The following IRAK2 variants were observed in gnomAD, a reference collection of about 807,000 sequenced individuals.
The protein encoded by IRAK2 is interleukin 1 receptor associated kinase 2.
Under a neutral mutation model 72.0 loss-of-function variants are expected in IRAK2, and 57 were observed. The observed-to-expected ratio is 0.79, with a 90% CI of 0.64 to 0.99. The LOEUF (loss-of-function observed/expected upper bound fraction) is 0.99. Among genes scored for constraint, IRAK2 ranks in the 50% least tolerant of loss-of-function variants. The pLI is 0.00. For synonymous variants in IRAK2, 293 were observed against 312.7 expected, an observed-to-expected ratio of 0.94 and a Z score of 0.67; for missense variants, 790 against 794.4, an observed-to-expected ratio of 0.99 and a Z score of 0.07.
chr3:10,213,561 T>C lies in IRAK2; in HGVS notation c.788+13T>C, dbSNP rs1250635386. On this transcript the variant is annotated intron_variant, in intron 6 of 12. Transcript: ENST00000256458. Reference sequence around the variant, plus strand: ...AGATTTGTCTTAGGTAAGCCTCCCCTTTGTTTAGTAATAATGATAGCTAAC... The same window carrying C: ...AGATTTGTCTTAGGTAAGCCTCCCCCTTGTTTAGTAATAATGATAGCTAAC... 1 of 1,604,774 alleles carries C rather than the reference T, an allele frequency of 6.2e-7. No individual in the cohort carries two copies. Among genetic ancestry groups the C allele is most frequent in the Admixed American group, 1.7e-5 (1 of 60,024 alleles).
chr3:10,190,431 C>T (rs1034247363), intron 2 of IRAK2, among the ~76,000 whole-genome samples: 3 of 151,646 alleles, frequency 2.0e-5, no homozygotes, highest in Admixed American at 6.6e-5. Flanking sequence ...CTGGCGCCCA[C>T]CACCACGCCC....
At chr3:10,189,149 G>T (rs1202604863) in intron 2 of IRAK2, among the ~76,000 whole-genome samples, 1 of 152,258 alleles carries the variant, frequency 6.6e-6, no homozygotes, top group Non-Finnish European at 1.5e-5. Flanking sequence ...GTCAGGTGGG[G>T]AGGGCAGGTA....
chr3:10,194,415 T>C (rs1176192143), intron 2 of IRAK2, among the ~76,000 whole-genome samples: 1 of 152,136 alleles, frequency 6.6e-6, no homozygotes, highest in Non-Finnish European at 1.5e-5. Flanking sequence ...AGGCTGCCCC[T>C]GTCTATCTGT....
chr3:10,172,837 C>CAA (rs533137515), intron 1 of IRAK2, among the ~76,000 whole-genome samples: 990 of 53,462 alleles, frequency 0.019, 57 homozygotes, highest in African/African-American at 0.053. Context: ...GACTCTGTCT[C>CAA]AAAAAAAAAA....
At chr3:10,168,951 G>C (rs1696747101) in intron 1 of IRAK2, among the ~76,000 whole-genome samples, 1 of 152,200 alleles carries the variant, frequency 6.6e-6, no homozygotes. Flanking sequence ...CCAGCCCGCA[G>C]TATTTCAATG....
In IRAK2 at chr3:10,189,479, G is replaced by T. The variant is rs187839596; in HGVS notation, c.278-10890G>T. 1.1e-3 allele frequency among the ~76,000 whole-genome samples: 169 copies of T among 152,348 alleles called. 1 individual carries two copies. The highest frequency in any genetic ancestry group is 2.0e-3 in the Non-Finnish European group (133 of 68,038). ...ATGGACTGGGGGGCTGGGCCTGTGAGGTTCCAGATGTCAACTGAGTAGGAC... is the reference window on the plus strand; with the variant it reads ...ATGGACTGGGGGGCTGGGCCTGTGATGTTCCAGATGTCAACTGAGTAGGAC... On this transcript the variant is annotated intron_variant, in intron 2 of 12. Transcript: ENST00000256458.
chr3:10,181,429 G>A (rs1261436667), intron 2 of IRAK2, among the ~76,000 whole-genome samples: 1 of 152,106 alleles, frequency 6.6e-6, no homozygotes, highest in Admixed American at 6.6e-5. Context: ...GACCAACATG[G>A]TGAAACCCTG....
At chr3:10,238,534 G>A (rs558514612) in intron 11 of IRAK2, among the ~76,000 whole-genome samples, 1 of 152,268 alleles carries the variant, frequency 6.6e-6, no homozygotes, top group South Asian at 2.1e-4. Flanking sequence ...ACTATGATCT[G>A]CCCATGTTGG....
chr3:10,199,479 G>A (rs973747021), intron 2 of IRAK2, among the ~76,000 whole-genome samples: 1 of 152,164 alleles, frequency 6.6e-6, no homozygotes, highest in Non-Finnish European at 1.5e-5. Context: ...GGTACAGCCC[G>A]TCCTCAGTGG....
chr3:10,237,778 C>T (rs1267415693), intron 11 of IRAK2, among the ~76,000 whole-genome samples: 2 of 146,546 alleles, frequency 1.4e-5, no homozygotes, highest in Admixed American at 6.8e-5. Flanking sequence ...TGCAGTCCGG[C>T]CTGGGCGAAA....
intron 10 of IRAK2, among the ~76,000 whole-genome samples, 198 bp downstream of exon 10, chr3:10,226,631 A>G (rs79141395): frequency 0.042 from 6,373 of 152,126 alleles, 187 homozygotes; most frequent in South Asian, 0.059. Flanking sequence ...TGATAATAGC[A>G]TCTGGGGCTT....
chr3:10,188,629 C>T (rs776977249), intron 2 of IRAK2, among the ~76,000 whole-genome samples: 4 of 152,324 alleles, frequency 2.6e-5, no homozygotes, highest in African/African-American at 9.6e-5. Context: ...CGGGTTCAAG[C>T]GATTCTCCTG....
chr3:10,178,921 C>T (rs1475154509), intron 2 of IRAK2, among the ~76,000 whole-genome samples: 3 of 152,130 alleles, frequency 2.0e-5, no homozygotes, highest in African/African-American at 7.2e-5. Flanking sequence ...CCTGCCTCAA[C>T]TTCCTGAGTA....
chr3:10,241,717 A>G (rs1205297893), intron 12 of IRAK2, among the ~76,000 whole-genome samples: 1 of 149,578 alleles, frequency 6.7e-6, no homozygotes, highest in African/African-American at 2.5e-5. Context: ...TCTGGGCAAC[A>G]CGGTGAAACC....
At chr3:10,237,669 C>T (rs376034485) in intron 11 of IRAK2, among the ~76,000 whole-genome samples, 26 of 151,602 alleles carry the variant, frequency 1.7e-4, no homozygotes, top group African/African-American at 4.1e-4. Context: ...TAGCCAGGCG[C>T]GGTGGCGGGC....
chr3:10,209,277 A>T lies in IRAK2; in HGVS notation c.425-312A>T, dbSNP rs1169674. Among the ~76,000 whole-genome samples the T allele has an allele frequency of 7.1e-3, 1,077 of 152,082 alleles. 4 individuals are homozygous for T. Among genetic ancestry groups the T allele is most frequent in the Non-Finnish European group, 0.012 (822 of 68,004 alleles). On this transcript the variant is annotated intron_variant, in intron 3 of 12. Coordinates refer to ENST00000256458, the MANE Select transcript of IRAK2 (RefSeq NM_001570.4). ...AGTGCAGGGCCTAGAAGTCAAACAG[A>T]TTTCCGTCTGAATTTCGGCTCTACC...
At chr3:10,234,345 T>A in intron 10 of IRAK2, 114 bp from the exon 11 acceptor site, 1 of 759,208 alleles carries the variant, frequency 1.3e-6, no homozygotes, top group East Asian at 2.6e-5. Context: ...ATTCTTACGA[T>A]GTCCGGTCGG....
chr3:10,207,147 G>T (rs966957879), intron 3 of IRAK2, among the ~76,000 whole-genome samples: 1 of 151,872 alleles, frequency 6.6e-6, no homozygotes, highest in African/African-American at 2.4e-5. Context: ...CTGGAGTGCA[G>T]TGGCACAATC....
At position 10,226,371 on chromosome 3, in the gene IRAK2, G is replaced by C. The variant is rs996461218; in HGVS notation, c.1210G>C (p.Val404Leu). The C allele has an allele frequency of 3.1e-6, 5 of 1,613,114 alleles. No individual in the cohort carries two copies. The highest frequency in any genetic ancestry group is 3.4e-6 in the Non-Finnish European group (4 of 1,179,562). The change falls in exon 10 of 13, where the codon GTG (valine) becomes CTG (leucine). Residue 404 changes from valine (V) to leucine (L), a missense_variant and splice_region_variant. Coordinates refer to ENST00000256458, the MANE Select transcript of IRAK2 (RefSeq NM_001570.4). The stretch of plus-strand genomic sequence containing the variant: ...CTAACTCACGTTCTGTTCTCTCCAG[G>C]TGTTGGCCGAGGTCCTCACGGGCAT... ...KRVDIFSCGI[V>L]LAEVLTGIPA...
Sources: gnomAD v4.1 joint callset for allele counts (sites outside exome capture counted in the v4.1 genomes callset) on GRCh38, gnomAD v4.1.1 for gene constraint, MANE v1.5 for transcripts, NCBI Gene and HGNC (gene_info 2026-07-23, HGNC 2026-07-21) for gene names.